The following NRG3 variants were observed in gnomAD, a reference collection of about 807,000 sequenced individuals.
NRG3 encodes the protein pro-neuregulin-3, membrane-bound isoform.
A neutral mutation model predicts 66.9 loss-of-function variants in NRG3; 31 were observed. The ratio of observed to expected loss-of-function variants is 0.46; its 90% CI spans 0.35 to 0.63. The LOEUF (loss-of-function observed/expected upper bound fraction) is 0.63. Ranked by LOEUF, NRG3 falls within the 20% of genes least tolerant of loss-of-function variation. NRG3 has a pLI of 0.00. For missense variants in NRG3, 910 were observed against 878.9 expected (o/e 1.04, Z -0.45); for synonymous variants, 393 against 359.4 (o/e 1.09, Z -1.06).
intron 4 of NRG3, 29 bp downstream of exon 4, chr10:82,865,466 A>G (rs1840621678): frequency 1.9e-6 from 3 of 1,607,100 alleles, no homozygotes; most frequent in Non-Finnish European, 2.6e-6. Context: ...CTCATTTAAT[A>G]TCCTGGAAAT....
intron 1 of NRG3, among the ~76,000 whole-genome samples, chr10:81,994,513 TGGTTA>T (rs2060858210): frequency 1.3e-5 from 2 of 151,794 alleles, no homozygotes; most frequent in South Asian, 4.2e-4. Context: ...TATTCTTTCC[TGGTTA>T]GGTTAAGTAT....
intron 3 of NRG3, among the ~76,000 whole-genome samples, chr10:82,783,043 G>A (rs947230170): frequency 6.6e-6 from 1 of 152,170 alleles, no homozygotes; most frequent in Admixed American, 6.5e-5. Flanking sequence ...GGGATGCAAG[G>A]CTGGTTCAAT....
chr10:82,518,456 C>CAACATGA (rs1373206384), intron 2 of NRG3, among the ~76,000 whole-genome samples: 1 of 152,096 alleles, frequency 6.6e-6, no homozygotes, highest in Non-Finnish European at 1.5e-5. Context: ...AAGCAGATCA[C>CAACATGA]AACATGGCAG....
chr10:82,068,139 G>A (rs2064594072), intron 1 of NRG3, among the ~76,000 whole-genome samples: 1 of 152,194 alleles, frequency 6.6e-6, no homozygotes, highest in South Asian at 2.1e-4. Flanking sequence ...CAGGACTAAT[G>A]TAATAAGGAG....
At chr10:82,860,832 C>T (rs1396176285) in intron 3 of NRG3, among the ~76,000 whole-genome samples, 1 of 152,192 alleles carries the variant, frequency 6.6e-6, no homozygotes, top group East Asian at 1.9e-4. Context: ...GTACTTGACA[C>T]ATAGTTTGCT....
intron 5 of NRG3, among the ~76,000 whole-genome samples, chr10:82,952,978 C>T (rs1206381235): frequency 6.6e-6 from 1 of 151,978 alleles, no homozygotes; most frequent in Admixed American, 6.5e-5. Flanking sequence ...TAATGCCTTA[C>T]ATTAGCATGG....
At chr10:81,903,272 C>T (rs996131347) in intron 1 of NRG3, among the ~76,000 whole-genome samples, 28 of 152,160 alleles carry the variant, frequency 1.8e-4, no homozygotes, top group African/African-American at 5.1e-4. Context: ...ACCTGACCCG[C>T]GGGTACACAG....
intron 3 of NRG3, among the ~76,000 whole-genome samples, chr10:82,766,404 C>T (rs1469391802): frequency 1.3e-5 from 2 of 152,106 alleles, no homozygotes; most frequent in African/African-American, 4.8e-5. Context: ...TAGTCACAGA[C>T]TTAGAAAACA....
At chr10:82,687,385 C>A (rs960652721) in intron 2 of NRG3, among the ~76,000 whole-genome samples, 3 of 152,088 alleles carry the variant, frequency 2.0e-5, no homozygotes, top group Admixed American at 6.5e-5. Context: ...ACCTTTGTTT[C>A]CTCAACCATC....
intron 4 of NRG3, among the ~76,000 whole-genome samples, chr10:82,884,941 C>T (rs1191365577): frequency 4.6e-5 from 7 of 152,212 alleles, no homozygotes; most frequent in Admixed American, 2.0e-4. Flanking sequence ...TCCAGTCATT[C>T]TGTCCTTCAG....
At chr10:82,052,969 T>C (rs2063669547) in intron 1 of NRG3, among the ~76,000 whole-genome samples, 2 of 152,142 alleles carry the variant, frequency 1.3e-5, no homozygotes, top group African/African-American at 4.8e-5. Flanking sequence ...TTACCAATGG[T>C]AGACTAATTA....
rs186745870 is a variant in NRG3, at chr10:82,170,674, A to G, written c.824-188065A>G. On this transcript the variant is annotated intron_variant, in intron 1 of 8. Coordinates refer to ENST00000372141, the MANE Select transcript of NRG3 (RefSeq NM_001010848.4). ...TTGTGGTATATATATATATATATAT[A>G]TATATATATATATATATATATATGT... Among the ~76,000 whole-genome samples, 149 of 111,550 alleles carry G rather than the reference A, an allele frequency of 1.3e-3. 2 individuals are homozygous for G. In the Middle Eastern group the frequency reaches 0.014, roughly 10 times the overall value. The allele number at this position is 111,550 out of a possible 152,430, so 73.2% of individuals were successfully genotyped here.
At chr10:81,956,916 A>G (rs1269410171) in intron 1 of NRG3, among the ~76,000 whole-genome samples, 1 of 151,970 alleles carries the variant, frequency 6.6e-6, no homozygotes, top group African/African-American at 2.4e-5. Flanking sequence ...GCCACACTAG[A>G]CTCTTACTCT....
In NRG3 at chr10:82,117,434, G is replaced by A. The variant is rs146161178; in HGVS notation, c.823+241271G>A. Among the ~76,000 whole-genome samples, 426 of 152,170 alleles carry A rather than the reference G, an allele frequency of 2.8e-3. 5 individuals are homozygous for A. Among genetic ancestry groups the A allele is most frequent in the African/African-American group, 9.6e-3 (400 of 41,516 alleles). On this transcript the variant is annotated intron_variant, in intron 1 of 8. Transcript: ENST00000372141. ...CTCACTTCCAATCCCTCTCAGATGA[G>A]CTTCTTTTAATTTAATTCTTATCAA... is the stretch of plus-strand genomic sequence containing the variant.
chr10:82,874,576 C>T (rs946026987), intron 4 of NRG3, among the ~76,000 whole-genome samples: 3 of 152,042 alleles, frequency 2.0e-5, no homozygotes, highest in African/African-American at 4.8e-5. Context: ...GCTAGTGTGC[C>T]CTTTGCCATG....
intron 3 of NRG3, among the ~76,000 whole-genome samples, chr10:82,840,070 C>A (rs955693338): frequency 6.6e-6 from 1 of 151,972 alleles, no homozygotes; most frequent in Admixed American, 6.6e-5. Flanking sequence ...ATAAAGAATC[C>A]CACAATTTTC....
intron 1 of NRG3, among the ~76,000 whole-genome samples, chr10:82,074,496 C>T (rs1220078817): frequency 6.6e-6 from 1 of 151,970 alleles, no homozygotes; most frequent in Non-Finnish European, 1.5e-5. Context: ...TATAACACAG[C>T]AGTATTGGAA....
chr10:82,780,561 C>G (rs1407149751), intron 3 of NRG3, among the ~76,000 whole-genome samples: 1 of 137,036 alleles, frequency 7.3e-6, no homozygotes, highest in African/African-American at 2.7e-5. Flanking sequence ...ATATCTTGTA[C>G]ATTTTGGCTG....
At chr10:82,142,574 A>C (rs994682285) in intron 1 of NRG3, among the ~76,000 whole-genome samples, 1 of 152,052 alleles carries the variant, frequency 6.6e-6, no homozygotes. Context: ...CTCATTGGGC[A>C]TGTATTATGC....
Sources: allele counts gnomAD v4.1 joint callset (sites outside exome capture counted in the v4.1 genomes callset), GRCh38; gene constraint gnomAD v4.1.1; transcripts MANE v1.5; gene names NCBI Gene and HGNC (gene_info 2026-07-23, HGNC 2026-07-21).